Variants in SUSD4 observed in about 807,000 individuals in gnomAD.
SUSD4 encodes the protein sushi domain containing 4.
SUSD4 carries 41 observed loss-of-function variants against 50.5 expected under a neutral mutation model. That is an observed-to-expected ratio of 0.81 (90% CI 0.63 to 1.05). The LOEUF (loss-of-function observed/expected upper bound fraction) is 1.05, where lower values mean the gene tolerates loss of function less well. Among genes scored for constraint, SUSD4 ranks in the 50% least tolerant of loss-of-function variants. The pLI, the probability that SUSD4 is intolerant of heterozygous loss-of-function variation, is 0.00. For synonymous variants in SUSD4, 257 were observed against 257.3 expected, an observed-to-expected ratio of 1.00 and a Z score of 0.01; for missense variants, 580 against 634.7, an observed-to-expected ratio of 0.91 and a Z score of 0.93.
At chr1:223,235,070 A>C (rs1558168486) in intron 5 of SUSD4, 1 of 1,608,064 alleles carries the variant, frequency 6.2e-7, no homozygotes, top group East Asian at 2.2e-5. Flanking sequence ...TGGGAAATAA[A>C]GGACAGGGAA....
chr1:223,258,410 GC>G (rs1661851282), intron 5 of SUSD4, among the ~76,000 whole-genome samples: 1 of 151,988 alleles, frequency 6.6e-6, no homozygotes, highest in Non-Finnish European at 1.5e-5. Context: ...GGACCCCTGG[GC>G]ACTTGTAGGT....
chr1:223,317,834 CTTTTTTTTTTT>C (rs1235672082), intron 2 of SUSD4, among the ~76,000 whole-genome samples: 1 of 80,162 alleles, frequency 1.2e-5, no homozygotes, highest in African/African-American at 5.2e-5. Flanking sequence ...GCTTGCCCTT[CTTTTTTTTTTT>C]TTTTTCTTTT....
chr1:223,269,213 C>A (rs895673659), intron 3 of SUSD4, among the ~76,000 whole-genome samples: 9 of 152,188 alleles, frequency 5.9e-5, no homozygotes, highest in Admixed American at 3.9e-4. Context: ...TCCTGTCCAC[C>A]TTATCTGTTT....
chr1:223,246,070 T>C (rs181377214), intron 5 of SUSD4, among the ~76,000 whole-genome samples: 3 of 152,070 alleles, frequency 2.0e-5, no homozygotes, highest in East Asian at 3.9e-4. Flanking sequence ...ATAGAAATAA[T>C]CTTTACAGCC....
intron 2 of SUSD4, among the ~76,000 whole-genome samples, chr1:223,349,382 T>G (rs532343333): frequency 6.6e-6 from 1 of 152,198 alleles, no homozygotes; most frequent in Non-Finnish European, 1.5e-5. Flanking sequence ...GCGGATGGCC[T>G]GGGGCACCAC....
rs532545161 is a variant in SUSD4, at chr1:223,230,911, G to C, written c.725-1523C>G. Among the ~76,000 whole-genome samples, 4 of 152,308 alleles carry C rather than the reference G, an allele frequency of 2.6e-5. No homozygotes were observed. In the East Asian group the frequency reaches 7.7e-4, roughly 29 times the overall value. On this transcript the variant is annotated intron_variant, in intron 5 of 8. Transcript: ENST00000366878. ...CTCGAGAAATGCTGGTGAGGGCTTAGTTCAGAGCTGACAAACTGTGATTAT... is the reference window on the plus strand; with the variant it reads ...CTCGAGAAATGCTGGTGAGGGCTTACTTCAGAGCTGACAAACTGTGATTAT...
At position 223,227,383 on chromosome 1, in the gene SUSD4, C is replaced by T. The variant is rs1659588419; in HGVS notation, c.1061+211G>A. On this transcript the variant is annotated intron_variant, in intron 7 of 8. Transcript: ENST00000366878. This position sits in a 1 kb window ranked among gnomAD's most constrained non-coding sequence, Gnocchi z 4.5. The stretch of plus-strand genomic sequence containing the variant: ...ATGCCCACCTGCAAATGGTCTACTG[C>T]AGGAAGGAGGGAGAGAGGTAGGAAA... 1.3e-5 allele frequency among the ~76,000 whole-genome samples: 2 copies of T among 152,136 alleles called. No individual in the cohort carries two copies. The highest frequency in any genetic ancestry group is 4.8e-5 in the African/African-American group (2 of 41,420).
intron 5 of SUSD4, 185 bp downstream of exon 5, chr1:223,264,445 A>C (rs2103073294): frequency 7.5e-7 from 1 of 1,338,246 alleles, no homozygotes; most frequent in Non-Finnish European, 9.5e-7. Flanking sequence ...GAGGGAAGCA[A>C]GTTTTACATC....
chr1:223,322,280 T>G (rs1666617621), intron 2 of SUSD4, among the ~76,000 whole-genome samples: 1 of 152,250 alleles, frequency 6.6e-6, no homozygotes, highest in African/African-American at 2.4e-5. Context: ...TGTTAAACTT[T>G]GGTTAGAGAT....
At chr1:223,321,634 G>A (rs1368832285) in intron 2 of SUSD4, among the ~76,000 whole-genome samples, 2 of 152,164 alleles carry the variant, frequency 1.3e-5, no homozygotes, top group Non-Finnish European at 2.9e-5. Context: ...CTGGAATCAT[G>A]TGTTTGTGGA....
Position 223,299,119 on chromosome 1 carries a change from C to T in SUSD4, c.149-6468G>A, listed in dbSNP as rs556903162. ...TTAAATTCTACTTTTCAAATTATCC[C>T]CTAGCAGATCAATTCCCAGCCTGGG... is the stretch of plus-strand genomic sequence containing the variant. On this transcript the variant is annotated intron_variant, in intron 2 of 8. Transcript: ENST00000366878. Among the ~76,000 whole-genome samples, 10 of 152,306 alleles carry T rather than the reference C, an allele frequency of 6.6e-5. No individual in the cohort carries two copies. In the South Asian group the frequency reaches 1.2e-3, roughly 19 times the overall value.
At chr1:223,281,737 A>T (rs1224905802) in intron 3 of SUSD4, among the ~76,000 whole-genome samples, 1 of 152,200 alleles carries the variant, frequency 6.6e-6, no homozygotes, top group Non-Finnish European at 1.5e-5. Context: ...AACTCATTTT[A>T]TGAGGCCAGC....
intron 2 of SUSD4, among the ~76,000 whole-genome samples, chr1:223,342,846 G>A (rs753629563): frequency 7.2e-5 from 11 of 152,026 alleles, no homozygotes; most frequent in Non-Finnish European, 1.6e-4. Context: ...TACCAATACC[G>A]GTTTCTCTAT....
intron 2 of SUSD4, among the ~76,000 whole-genome samples, chr1:223,356,948 A>G (rs1668702517): frequency 1.3e-5 from 2 of 152,252 alleles, no homozygotes; most frequent in African/African-American, 4.8e-5. Context: ...TCCAAGTTAC[A>G]TGAAAAAGAA....
At chr1:223,283,208 A>G (rs1277817620) in intron 3 of SUSD4, among the ~76,000 whole-genome samples, 1 of 152,240 alleles carries the variant, frequency 6.6e-6, no homozygotes, top group African/African-American at 2.4e-5. Context: ...AAGCAATGGT[A>G]ACAACAGTCA....
chr1:223,254,464 A>G (rs914736516), intron 5 of SUSD4, among the ~76,000 whole-genome samples: 2 of 152,212 alleles, frequency 1.3e-5, no homozygotes, highest in Non-Finnish European at 2.9e-5. Context: ...AAGGAAGGCA[A>G]GGTGCTGAGA....
chr1:223,285,882 A>G (rs942129548), intron 3 of SUSD4, among the ~76,000 whole-genome samples: 1 of 152,168 alleles, frequency 6.6e-6, no homozygotes, highest in Non-Finnish European at 1.5e-5. Context: ...AAAACTACCT[A>G]TGGGGTACTA....
At chr1:223,306,965 G>C (rs541060448) in intron 2 of SUSD4, among the ~76,000 whole-genome samples, 52 of 151,126 alleles carry the variant, frequency 3.4e-4, no homozygotes, top group Non-Finnish European at 6.6e-4. Context: ...TTTTTTTTGG[G>C]GGGGGGTGTC....
At chr1:223,320,020 G>A (rs746190457) in intron 2 of SUSD4, among the ~76,000 whole-genome samples, 5 of 152,238 alleles carry the variant, frequency 3.3e-5, no homozygotes, top group East Asian at 1.9e-4. Flanking sequence ...GAACACCCAC[G>A]GCATTGTGAT....
Sources: gnomAD v4.1 joint callset for allele counts (sites outside exome capture counted in the v4.1 genomes callset) on GRCh38, gnomAD v4.1.1 for gene constraint, Gnocchi (gnomAD v3.1) non-coding constraint, MANE v1.5 for transcripts, NCBI Gene and HGNC (gene_info 2026-07-23, HGNC 2026-07-21) for gene names.